GSTCD: variants seen among roughly 807,000 people sequenced by gnomAD.
GSTCD encodes glutathione S-transferase C-terminal domain containing, also known as glutathione S-transferase C-terminal domain-containing protein.
A neutral mutation model predicts 68.3 loss-of-function variants in GSTCD; 44 were observed. The observed-to-expected ratio is 0.64, with a 90% CI of 0.51 to 0.83. The LOEUF is 0.83. Ranked by LOEUF, GSTCD falls within the 40% of genes least tolerant of loss-of-function variation. GSTCD has a pLI of 0.00. For synonymous variants in GSTCD, 273 were observed against 255.2 expected (o/e 1.07, Z -0.67); for missense variants, 739 against 735.9 (o/e 1.00, Z -0.05).
chr4:105,844,386 G>C (rs1449327526), intron 11 of GSTCD, among the ~76,000 whole-genome samples: 7 of 152,128 alleles, frequency 4.6e-5, no homozygotes, highest in Non-Finnish European at 7.4e-5. Flanking sequence ...TTCTTTGTGG[G>C]ATGGGCTCTT....
At chr4:105,833,053 A>C (rs1243451615) in intron 8 of GSTCD, among the ~76,000 whole-genome samples, 3 of 152,202 alleles carry the variant, frequency 2.0e-5, no homozygotes. Context: ...TAAGTCTAGA[A>C]GGAGGAGGAG....
At chr4:105,828,132 T>C (rs565166029) in intron 8 of GSTCD, among the ~76,000 whole-genome samples, 2 of 152,304 alleles carry the variant, frequency 1.3e-5, no homozygotes, top group African/African-American at 4.8e-5. Context: ...TCTAACAGTA[T>C]TGGCGAATCC....
chr4:105,729,563 T>C, intron 5 of GSTCD, 64 bp downstream of exon 5: 1 of 1,031,150 alleles, frequency 9.7e-7, no homozygotes. Flanking sequence ...ATATGTCTTC[T>C]AATTCTCTAA....
At chr4:105,747,109 G>A (rs1217608399) in intron 5 of GSTCD, among the ~76,000 whole-genome samples, 1 of 152,242 alleles carries the variant, frequency 6.6e-6, no homozygotes, top group Non-Finnish European at 1.5e-5. Context: ...ACTCTTGAGT[G>A]TATGGTAAAT....
intron 3 of GSTCD, among the ~76,000 whole-genome samples, chr4:105,725,054 C>T (rs1732987934): frequency 2.0e-5 from 3 of 150,398 alleles, no homozygotes; most frequent in South Asian, 2.1e-4. Flanking sequence ...AACATACTAC[C>T]AATGAAAGAT....
chr4:105,743,679 T>TA (rs57776237), intron 5 of GSTCD, among the ~76,000 whole-genome samples: 3 of 135,740 alleles, frequency 2.2e-5, no homozygotes, highest in Non-Finnish European at 3.1e-5. Context: ...TTTTTTTTTT[T>TA]ATGGAGTCTG....
chr4:105,780,833 T>G (rs1243550738), intron 5 of GSTCD, among the ~76,000 whole-genome samples: 1 of 152,220 alleles, frequency 6.6e-6, no homozygotes, highest in Admixed American at 6.5e-5. Flanking sequence ...AAATTTTCAT[T>G]TACTTCTGGA....
intron 5 of GSTCD, among the ~76,000 whole-genome samples, chr4:105,770,116 T>G (rs1734784721): frequency 6.6e-6 from 1 of 152,226 alleles, no homozygotes; most frequent in African/African-American, 2.4e-5. Context: ...TTTGACAGAT[T>G]GGCAGAAGAA....
intron 7 of GSTCD, chr4:105,823,511 A>T (rs1404307422): frequency 2.0e-5 from 7 of 345,804 alleles, no homozygotes; most frequent in Non-Finnish European, 3.6e-5. Flanking sequence ...GGTTTAAGTA[A>T]TTTTTCAAAG....
At chr4:105,736,952 T>C (rs1256304012) in intron 5 of GSTCD, among the ~76,000 whole-genome samples, 1 of 152,176 alleles carries the variant, frequency 6.6e-6, no homozygotes, top group Non-Finnish European at 1.5e-5. Flanking sequence ...TAGTACTCCA[T>C]CATATATATG....
At chr4:105,772,887 G>A (rs983291169) in intron 5 of GSTCD, among the ~76,000 whole-genome samples, 8 of 152,154 alleles carry the variant, frequency 5.3e-5, no homozygotes, top group African/African-American at 1.7e-4. Context: ...GAGTTAGGGA[G>A]GAGTCCCTCT....
At chr4:105,821,047 C>T (rs1356258349) in intron 5 of GSTCD, 1 of 151,784 alleles carries the variant, frequency 6.6e-6, no homozygotes, top group African/African-American at 2.4e-5. Context: ...AATGCTCGTG[C>T]TCATTCCTTA....
At chr4:105,793,361 A>G (rs1735747567) in intron 5 of GSTCD, among the ~76,000 whole-genome samples, 1 of 151,864 alleles carries the variant, frequency 6.6e-6, no homozygotes, top group African/African-American at 2.4e-5. Flanking sequence ...TCAAGCTTAC[A>G]AATAAGAAAT....
chr4:105,731,552 G>T (rs1473092947), intron 5 of GSTCD, among the ~76,000 whole-genome samples: 4 of 152,312 alleles, frequency 2.6e-5, no homozygotes, highest in Non-Finnish European at 5.9e-5. Flanking sequence ...GTATAAGAAT[G>T]CTTGTGATTT....
rs1333096956 is a variant in GSTCD at position 105,762,574 on chromosome 4, G to A, written c.1240+33075G>A. On this transcript the variant is annotated intron_variant, in intron 5 of 11. Transcript: ENST00000515279. Reference sequence around the variant, plus strand: ...TTTTTCCAAACGGCAGATTGGTCATGTTTGGTGGGATATGCTTAGTGCAGT... The same window carrying A: ...TTTTTCCAAACGGCAGATTGGTCATATTTGGTGGGATATGCTTAGTGCAGT... Among the ~76,000 whole-genome samples, 4 of 152,174 alleles carry A rather than the reference G, an allele frequency of 2.6e-5. 1 individual carries two copies. Among genetic ancestry groups the A allele is most frequent in the Admixed American group, 1.3e-4 (2 of 15,266 alleles).
chr4:105,830,779 TA>T (rs1235587542), intron 8 of GSTCD, among the ~76,000 whole-genome samples: 1 of 151,688 alleles, frequency 6.6e-6, no homozygotes, highest in African/African-American at 2.4e-5. Context: ...ACTTGGATGT[TA>T]AAAAAACAAG....
chr4:105,816,248 CA>C (rs1351641856), intron 5 of GSTCD, among the ~76,000 whole-genome samples: 22 of 152,114 alleles, frequency 1.4e-4, no homozygotes, highest in African/African-American at 4.8e-4. Context: ...TATTTTTAGT[CA>C]GCATCTGCAG....
At chr4:105,802,489 C>T (rs1398149692) in intron 5 of GSTCD, among the ~76,000 whole-genome samples, 1 of 151,968 alleles carries the variant, frequency 6.6e-6, no homozygotes, top group Non-Finnish European at 1.5e-5. Flanking sequence ...GTTATTTTTA[C>T]CATACCAGGT....
intron 10 of GSTCD, chr4:105,840,243 A>G (rs781164412): frequency 6.6e-6 from 3 of 454,382 alleles, no homozygotes; most frequent in South Asian, 4.7e-5. Flanking sequence ...ATCTTAATTT[A>G]CAAACACCAT....
Sources: allele counts gnomAD v4.1 joint callset (sites outside exome capture counted in the v4.1 genomes callset), GRCh38; gene constraint gnomAD v4.1.1; transcripts MANE v1.5; gene names NCBI Gene and HGNC (gene_info 2026-07-23, HGNC 2026-07-21).